The following MAPRE3 variants were observed in gnomAD, a reference collection of about 807,000 sequenced individuals.
MAPRE3 encodes the protein microtubule-associated protein RP/EB family member 3.
In MAPRE3, 2 loss-of-function variants were observed where a neutral mutation model predicts 30.5. The observed-to-expected ratio is 0.07, with a 90% CI of 0.03 to 0.21. The LOEUF (loss-of-function observed/expected upper bound fraction) is 0.21. Ranked by LOEUF, MAPRE3 falls within the 10% of genes least tolerant of loss-of-function variation. MAPRE3 has a pLI of 1.00. For synonymous variants in MAPRE3, 110 were observed against 127.7 expected, an observed-to-expected ratio of 0.86 and a Z score of 0.93; for missense variants, 204 against 351.8, an observed-to-expected ratio of 0.58 and a Z score of 3.36.
intron 1 of MAPRE3, among the ~76,000 whole-genome samples, chr2:26,984,196 T>G (rs1014487569): frequency 6.6e-6 from 1 of 152,248 alleles, no homozygotes; most frequent in Admixed American, 6.5e-5. Flanking sequence ...GTTTAATGCC[T>G]TTAGTGTATA....
chr2:26,979,554 C>T (rs1666075705), intron 1 of MAPRE3, among the ~76,000 whole-genome samples: 1 of 152,166 alleles, frequency 6.6e-6, no homozygotes, highest in Non-Finnish European at 1.5e-5. Context: ...CCATTGCACT[C>T]CAGCCTGGGT....
At chr2:27,014,408 C>G (rs1000710919) in intron 1 of MAPRE3, 31 of 152,310 alleles carry the variant, frequency 2.0e-4, no homozygotes, top group African/African-American at 7.0e-4. Context: ...GTCCAGGATC[C>G]CAGTGGCTGG....
chr2:26,977,783 C>A (rs1666042521), intron 1 of MAPRE3, among the ~76,000 whole-genome samples: 1 of 152,242 alleles, frequency 6.6e-6, no homozygotes, highest in Admixed American at 6.5e-5. Flanking sequence ...CTGGCCTCAT[C>A]TTTCCCATCC....
rs141808926 is a variant in MAPRE3 at position 27,006,177 on chromosome 2, G to A, written c.-7-16035G>A. Among the ~76,000 whole-genome samples, 1,127 of 152,012 alleles carry A rather than the reference G, an allele frequency of 7.4e-3. 18 individuals are homozygous for A. The highest frequency in any genetic ancestry group is 0.026 in the African/African-American group (1,077 of 41,418). On this transcript the variant is annotated intron_variant, in intron 1 of 6. Transcript: ENST00000233121. Reference sequence around the variant, plus strand: ...AGCCTGGGTGACAGAGCGAGACCCCGTCTCAAAAATAAAAACAAAAACAAA... The same window carrying A: ...AGCCTGGGTGACAGAGCGAGACCCCATCTCAAAAATAAAAACAAAAACAAA...
intron 1 of MAPRE3, among the ~76,000 whole-genome samples, chr2:26,975,075 G>A (rs1351539162): frequency 6.6e-6 from 1 of 152,198 alleles, no homozygotes; most frequent in African/African-American, 2.4e-5. Context: ...CATGTATTCA[G>A]CCAACCTGAA....
Position 27,022,208 on chromosome 2 carries a change from C to T in MAPRE3, c.-7-4C>T, listed in dbSNP as rs535054767. 1.9e-6 allele frequency: 3 copies of T among 1,613,144 alleles called. No homozygotes were observed. The South Asian group carries it at 3.3e-5, about 18-fold the overall frequency. On this transcript the variant is annotated splice_polypyrimidine_tract_variant and splice_region_variant and intron_variant, in intron 1 of 6. Coordinates refer to ENST00000233121, the MANE Select transcript of MAPRE3 (RefSeq NM_012326.4). ...CTGACCTCACCTTTCTTCTTGCTTT[C>T]CAGCTGGGGTATGGCCGTCAATGTG...
Position 27,026,481 on chromosome 2 carries a change from C to T in MAPRE3, c.*133C>T. On this transcript the variant is annotated 3_prime_UTR_variant, in exon 7 of 7. Coordinates refer to ENST00000233121, the MANE Select transcript of MAPRE3 (RefSeq NM_012326.4). The stretch of plus-strand genomic sequence containing the variant: ...AGTGCTGCAGCACTGGGGAGCCAGG[C>T]GAGGGGGGCTTGGGGGCATGGGGCC... The T allele has an allele frequency of 2.7e-6, 2 of 750,544 alleles. No homozygotes were observed. Among genetic ancestry groups the T allele is most frequent in the Non-Finnish European group, 2.1e-6 (1 of 472,976 alleles). The allele number at this position is 750,544 out of a possible 1,614,324, so 46.5% of individuals were successfully genotyped here.
chr2:26,983,920 C>T (rs181688218), intron 1 of MAPRE3, among the ~76,000 whole-genome samples: 376 of 152,300 alleles, frequency 2.5e-3, no homozygotes, highest in Admixed American at 5.1e-3. Context: ...TCCAGGTGTC[C>T]CTGGGTAGCA....
In MAPRE3 at chr2:27,026,197, T is replaced by A. The variant is rs979800161; in HGVS notation, c.778-83T>A. 4 of 1,433,344 alleles carry A rather than the reference T, an allele frequency of 2.8e-6. No homozygotes were observed. In the African/African-American group the frequency reaches 5.7e-5, roughly 20 times the overall value. The allele number at this position is 1,433,344 out of a possible 1,614,324, so 88.8% of individuals were successfully genotyped here. The stretch of plus-strand genomic sequence containing the variant: ...GCAGGGCTCCTGGACTCCTGACCCC[T>A]TGCTCTTCAGCTACTTACAGAACCT... On this transcript the variant is annotated intron_variant, in intron 6 of 6. Coordinates refer to ENST00000233121, the MANE Select transcript of MAPRE3 (RefSeq NM_012326.4).
Position 27,016,000 on chromosome 2 carries a change from A to C in MAPRE3, c.-7-6212A>C, listed in dbSNP as rs1229202631. On this transcript the variant is annotated intron_variant, in intron 1 of 6. Transcript: ENST00000233121. The surrounding 1 kb of genome is among the most constrained non-coding windows in gnomAD (Gnocchi z 4.0). The stretch of plus-strand genomic sequence containing the variant: ...CCTGTGAATGCACCATGAACCTTAC[A>C]GTCCTAGTATAGGAAATGACTCAGC... Among the ~76,000 whole-genome samples the C allele has an allele frequency of 6.6e-6, 1 of 152,204 alleles. No homozygotes were observed. Among genetic ancestry groups the C allele is most frequent in the Non-Finnish European group, 1.5e-5 (1 of 68,044 alleles).
At chr2:27,002,786 C>T (rs1412224618) in intron 1 of MAPRE3, 1 of 152,222 alleles carries the variant, frequency 6.6e-6, no homozygotes, top group Non-Finnish European at 1.5e-5. Context: ...TTTTGAAAGT[C>T]CTTTCTGCCA....
At chr2:27,025,002 G>A (rs571204302) in intron 4 of MAPRE3, among the ~76,000 whole-genome samples, 14 of 152,188 alleles carry the variant, frequency 9.2e-5, no homozygotes, top group Non-Finnish European at 1.6e-4. Flanking sequence ...TCTGTCTAGG[G>A]AGGTGCAGTC....
chr2:27,009,292 G>C (rs946965457), intron 1 of MAPRE3, among the ~76,000 whole-genome samples: 1 of 152,180 alleles, frequency 6.6e-6, no homozygotes, highest in African/African-American at 2.4e-5. Flanking sequence ...AGATGTTACT[G>C]GGGGAAGCTG....
rs575207039 is a variant in MAPRE3, at chr2:26,983,736, G to T, written c.-8+12934G>T. Among the ~76,000 whole-genome samples the T allele has an allele frequency of 7.6e-4, 116 of 152,258 alleles. 1 individual carries two copies. The highest frequency in any genetic ancestry group is 2.7e-3 in the African/African-American group (113 of 41,554). On this transcript the variant is annotated intron_variant, in intron 1 of 6. Coordinates refer to ENST00000233121, the MANE Select transcript of MAPRE3 (RefSeq NM_012326.4). Reference sequence around the variant, plus strand: ...TTAGGAAATAACTAGTTGTTTTAAAGCTCCCAGAGCTGTTAGCTAAAAGAT... The same window carrying T: ...TTAGGAAATAACTAGTTGTTTTAAATCTCCCAGAGCTGTTAGCTAAAAGAT...
chr2:26,978,108 G>A (rs747621740), intron 1 of MAPRE3, among the ~76,000 whole-genome samples: 5 of 152,192 alleles, frequency 3.3e-5, no homozygotes, highest in Admixed American at 6.5e-5. Context: ...ATGGCTGGCT[G>A]GAGAGACTCC....
At position 26,973,554 on chromosome 2, in the gene MAPRE3, T is replaced by G. The variant is rs1005334909; in HGVS notation, c.-8+2752T>G. Among the ~76,000 whole-genome samples the G allele has an allele frequency of 3.0e-4, 46 of 151,190 alleles. No individual in the cohort carries two copies. In the East Asian group the frequency reaches 4.3e-3, roughly 14 times the overall value. ...GCCGAACAGAAAATATAGTTTTTTT[T>G]TTTTTTTTTTTGAGACGGAGTCTCG... On this transcript the variant is annotated intron_variant, in intron 1 of 6. Coordinates refer to ENST00000233121, the MANE Select transcript of MAPRE3 (RefSeq NM_012326.4).
Position 27,022,493 on chromosome 2 carries a change from G to A in MAPRE3, c.121+154G>A, listed in dbSNP as rs959072982. 3 of 995,768 alleles carry A rather than the reference G, an allele frequency of 3.0e-6. No homozygotes were observed. The African/African-American group carries it at 4.8e-5, about 16-fold the overall frequency. 61.7% of individuals were successfully genotyped at this position (995,768 alleles called of 1,614,324 possible). On this transcript the variant is annotated intron_variant, in intron 2 of 6. Coordinates refer to ENST00000233121, the MANE Select transcript of MAPRE3 (RefSeq NM_012326.4). ...CATCCTTAGGCGATGTTGTTGTTGTGTGAACATCACAGAGTGTATTTACAC... is the reference window on the plus strand; with the variant it reads ...CATCCTTAGGCGATGTTGTTGTTGTATGAACATCACAGAGTGTATTTACAC...
intron 1 of MAPRE3, among the ~76,000 whole-genome samples, chr2:27,010,589 C>T (rs1558382661): frequency 6.6e-6 from 1 of 151,772 alleles, no homozygotes. Flanking sequence ...ATTACAGGTG[C>T]GTGTCACCAT....
chr2:27,014,020 G>T (rs1666923644), intron 1 of MAPRE3: 1 of 152,224 alleles, frequency 6.6e-6, no homozygotes. Context: ...GGCAAAGCCT[G>T]TAGCCAAGTC....
Sources: gnomAD v4.1 joint callset for allele counts (sites outside exome capture counted in the v4.1 genomes callset) on GRCh38, gnomAD v4.1.1 for gene constraint, Gnocchi (gnomAD v3.1) non-coding constraint, MANE v1.5 for transcripts, NCBI Gene and HGNC (gene_info 2026-07-23, HGNC 2026-07-21) for gene names.